Variants in BMP8A observed in about 807,000 individuals in gnomAD.
BMP8A encodes bone morphogenetic protein 8a, also known as BMP-8A.
BMP8A carries 14 observed loss-of-function variants against 36.8 expected under a neutral mutation model. That is an observed-to-expected ratio of 0.38 (90% CI 0.25 to 0.60). BMP8A has a LOEUF of 0.60. Among genes scored for constraint, BMP8A ranks in the 20% least tolerant of loss-of-function variants. The probability of loss-of-function intolerance (pLI) is 0.63; values close to 1 mark genes in which losing one functional copy is unlikely to be tolerated. For missense variants in BMP8A, 267 were observed against 551.1 expected (o/e 0.48, Z 5.16); for synonymous variants, 120 against 237.7 (o/e 0.50, Z 4.55).
Position 39,523,769 on chromosome 1 carries a change from G to A in BMP8A, c.1059+652G>A, listed in dbSNP as rs568429771. The A allele has an allele frequency of 2.6e-5, 30 of 1,176,218 alleles. No individual in the cohort carries two copies. The South Asian group carries it at 3.5e-4, about 14-fold the overall frequency. The allele number at this position is 1,176,218 out of a possible 1,614,324, so 72.9% of individuals were successfully genotyped here. On this transcript the variant is annotated intron_variant, in intron 6 of 6. Coordinates refer to ENST00000331593, the MANE Select transcript of BMP8A (RefSeq NM_181809.4). ...ACCACTGAGTGCTCTGTGTGTTTGCGGATTCTGGCACCGAGGCTTCCTTCT... is the reference window on the plus strand; with the variant it reads ...ACCACTGAGTGCTCTGTGTGTTTGCAGATTCTGGCACCGAGGCTTCCTTCT...
chr1:39,505,071 A>G (rs1362315981), intron 1 of BMP8A, among the ~76,000 whole-genome samples: 5 of 152,180 alleles, frequency 3.3e-5, no homozygotes, highest in Non-Finnish European at 7.4e-5. Context: ...CGACATTCCA[A>G]TCCCAGGGAT....
chr1:39,493,996 C>A (rs1475496238), intron 1 of BMP8A, among the ~76,000 whole-genome samples: 1 of 152,242 alleles, frequency 6.6e-6, no homozygotes, highest in Non-Finnish European at 1.5e-5. Context: ...TCTGTGTGAC[C>A]TTAGGGAAGT....
intron 5 of BMP8A, among the ~76,000 whole-genome samples, chr1:39,522,764 A>T (rs1294656504): frequency 6.6e-6 from 1 of 151,936 alleles, no homozygotes; most frequent in Non-Finnish European, 1.5e-5. Flanking sequence ...ATTGGCTACG[A>T]CTGCAGCTCT....
Position 39,522,495 on chromosome 1 carries a change from T to C in BMP8A, c.948+13T>C, listed in dbSNP as rs747057590. ...CCTTGGCTGGCTGGTAATTGCTGAC[T>C]CTCCTTGTTTCTGAAATGACAATCA... On this transcript the variant is annotated intron_variant, in intron 5 of 6. Coordinates refer to ENST00000331593, the MANE Select transcript of BMP8A (RefSeq NM_181809.4). The C allele has an allele frequency of 4.3e-6, 7 of 1,613,634 alleles. No individual in the cohort carries two copies. In the African/African-American group the frequency reaches 6.7e-5, roughly 15 times the overall value.
chr1:39,502,285 G>A (rs1645260507), intron 1 of BMP8A, among the ~76,000 whole-genome samples: 1 of 151,340 alleles, frequency 6.6e-6, no homozygotes, highest in Non-Finnish European at 1.5e-5. Flanking sequence ...TGGAATTGGA[G>A]GTGCCAGTAT....
At chr1:39,492,883 C>T (rs1300028141) in intron 1 of BMP8A, among the ~76,000 whole-genome samples, 1 of 152,100 alleles carries the variant, frequency 6.6e-6, no homozygotes, top group Non-Finnish European at 1.5e-5. Context: ...GGGACTGTGG[C>T]CTTGTCACCC....
chr1:39,496,767 G>A (rs1039120431), intron 1 of BMP8A, among the ~76,000 whole-genome samples: 3 of 152,168 alleles, frequency 2.0e-5, no homozygotes, highest in African/African-American at 4.8e-5. Context: ...CCAGGTCCCC[G>A]CCTATCATTA....
chr1:39,492,407 C>T, intron 1 of BMP8A, 82 bp downstream of exon 1: 2 of 1,405,642 alleles, frequency 1.4e-6, no homozygotes, highest in Non-Finnish European at 9.2e-7. Flanking sequence ...GGTGCCGGGC[C>T]CTGGCCGAAC....
intron 1 of BMP8A, among the ~76,000 whole-genome samples, chr1:39,498,629 G>C (rs1404632614): frequency 1.3e-5 from 2 of 152,184 alleles, no homozygotes; most frequent in Non-Finnish European, 2.9e-5. Flanking sequence ...TTCTGGGTGG[G>C]AGAAGCCCCT....
At chr1:39,515,583 G>A in intron 3 of BMP8A, 2 of 1,482,572 alleles carry the variant, frequency 1.3e-6, no homozygotes, top group East Asian at 2.3e-5. Context: ...CTTCGCCCTG[G>A]TGAAAGGGTG....
At chr1:39,522,607 T>C (rs2124378757) in intron 5 of BMP8A, 125 bp downstream of exon 5, 2 of 1,277,740 alleles carry the variant, frequency 1.6e-6, no homozygotes, top group Non-Finnish European at 2.1e-6. Context: ...CTTCTGTGTT[T>C]TCCAAGTTTT....
chr1:39,498,148 A>G (rs535258050), intron 1 of BMP8A, among the ~76,000 whole-genome samples: 16 of 152,308 alleles, frequency 1.1e-4, no homozygotes, highest in Admixed American at 6.5e-4. Context: ...CCTTGGCCTC[A>G]GTTTCCCCAT....
At chr1:39,500,282 A>G (rs1645242159) in intron 1 of BMP8A, among the ~76,000 whole-genome samples, 2 of 152,166 alleles carry the variant, frequency 1.3e-5, no homozygotes, top group South Asian at 2.1e-4. Flanking sequence ...GATCCCTAGC[A>G]TTTTTGAAAG....
intron 1 of BMP8A, among the ~76,000 whole-genome samples, chr1:39,510,678 C>T (rs1317357333): frequency 6.6e-6 from 1 of 152,160 alleles, no homozygotes; most frequent in Non-Finnish European, 1.5e-5. Flanking sequence ...TGCCGCACCT[C>T]CCATCCAGGC....
At chr1:39,492,695 A>G (rs2463262) in intron 1 of BMP8A, among the ~76,000 whole-genome samples, 7 of 152,256 alleles carry the variant, frequency 4.6e-5, no homozygotes, top group South Asian at 2.1e-4. Flanking sequence ...TGTGATAAGG[A>G]CAGTACTGAG....
In BMP8A at chr1:39,511,295, C is replaced by T. The variant is rs1645352465; in HGVS notation, c.456C>T (p.Pro152=). The change falls in exon 2 of 7, where the codon CCC becomes CCT. Residue 152 remains proline, a synonymous_variant. Transcript: ENST00000331593. ...CGGAGTTCCGGATTTACAAGGTGCC[C>T]AGCATCCACCTGCTCAACAGGACCC... The part of the protein sequence containing the change: ...TAAEFRIYKV[P]SIHLLNRTLH... 1 of 1,173,604 alleles carries T rather than the reference C, an allele frequency of 8.5e-7. No homozygotes were observed. The highest frequency in any genetic ancestry group is 1.4e-5 in the South Asian group (1 of 69,004). The allele number at this position is 1,173,604 out of a possible 1,614,324, so 72.7% of individuals were successfully genotyped here. A position where few individuals can be genotyped will look rare whatever the true frequency, so the allele number is the denominator to read the frequency against.
chr1:39,523,513 C>G, intron 6 of BMP8A: 11 of 1,357,996 alleles, frequency 8.1e-6, no homozygotes, highest in Non-Finnish European at 9.5e-6. Context: ...GTCTGACCGC[C>G]TGTGATATGT....
chr1:39,507,616 C>T (rs926376428), intron 1 of BMP8A, among the ~76,000 whole-genome samples: 13 of 152,212 alleles, frequency 8.5e-5, no homozygotes, highest in African/African-American at 3.1e-4. Flanking sequence ...ACTGGGGGAC[C>T]GTCCCAGTGG....
chr1:39,501,187 C>T (rs1430382642), intron 1 of BMP8A, among the ~76,000 whole-genome samples: 1 of 152,158 alleles, frequency 6.6e-6, no homozygotes, highest in Non-Finnish European at 1.5e-5. Flanking sequence ...CACCCACTGG[C>T]CCCCTCCTCC....
Sources: gnomAD v4.1 joint callset for allele counts (sites outside exome capture counted in the v4.1 genomes callset) on GRCh38, gnomAD v4.1.1 for gene constraint, MANE v1.5 for transcripts, NCBI Gene and HGNC (gene_info 2026-07-23, HGNC 2026-07-21) for gene names.